Variants in LRP1B observed in about 807,000 individuals in gnomAD.
LRP1B encodes LDL receptor related protein 1B, also known as low-density lipoprotein receptor-related protein 1B.
A neutral mutation model predicts 556.6 loss-of-function variants in LRP1B; 217 were observed. The ratio of observed to expected loss-of-function variants is 0.39; its 90% CI spans 0.35 to 0.44. The LOEUF (loss-of-function observed/expected upper bound fraction) is 0.44, where lower values mean the gene tolerates loss of function less well. LRP1B is among the 20% of genes least tolerant of loss of function. The pLI is 1.00. For missense variants in LRP1B, 5,053 were observed against 5,620.8 expected, an observed-to-expected ratio of 0.90 and a Z score of 3.23; for synonymous variants, 2,047 against 1,865.8, an observed-to-expected ratio of 1.10 and a Z score of -2.50.
intron 3 of LRP1B, among the ~76,000 whole-genome samples, chr2:141,361,717 C>T (rs984770128): frequency 6.6e-6 from 1 of 152,126 alleles, no homozygotes; most frequent in Non-Finnish European, 1.5e-5. Context: ...TTTTAATACC[C>T]TGCAATGTAA....
intron 32 of LRP1B, among the ~76,000 whole-genome samples, chr2:140,791,779 A>C (rs1442206789): frequency 6.6e-6 from 1 of 152,112 alleles, no homozygotes; most frequent in Non-Finnish European, 1.5e-5. Flanking sequence ...CAGACCTTCC[A>C]GGTCTCTCTC....
chr2:141,083,133 C>CA (rs1162600047), intron 7 of LRP1B, among the ~76,000 whole-genome samples: 1 of 152,052 alleles, frequency 6.6e-6, no homozygotes, highest in Non-Finnish European at 1.5e-5. Context: ...ATTTGAATAG[C>CA]AAAAACCATT....
At chr2:140,307,940 A>G (rs1315446384) in intron 83 of LRP1B, among the ~76,000 whole-genome samples, 1 of 151,884 alleles carries the variant, frequency 6.6e-6, no homozygotes, top group African/African-American at 2.4e-5. Context: ...ATTCTTATTT[A>G]TAGAGCATTC....
At position 141,319,657 on chromosome 2, in the gene LRP1B, A is replaced by G. The variant is rs143149235; in HGVS notation, c.344-65016T>C. Among the ~76,000 whole-genome samples, 316 of 152,220 alleles carry G rather than the reference A, an allele frequency of 2.1e-3. 1 individual carries two copies. The highest frequency in any genetic ancestry group is 7.2e-3 in the African/African-American group (299 of 41,562). On this transcript the variant is annotated intron_variant, in intron 3 of 90. Transcript: ENST00000389484. ...GTAACCAACATTGACTTTGGGGATT[A>G]GCCAAATTGTAGCATGCATATTCAG...
intron 1 of LRP1B, among the ~76,000 whole-genome samples, chr2:141,995,991 C>T (rs905566488): frequency 2.6e-5 from 4 of 152,084 alleles, no homozygotes; most frequent in South Asian, 2.1e-4. Context: ...CGGTGGCTCA[C>T]GCCTGTAATC....
chr2:140,393,797 G>A (rs1298818803), intron 66 of LRP1B, among the ~76,000 whole-genome samples: 1 of 152,142 alleles, frequency 6.6e-6, no homozygotes, highest in Admixed American at 6.5e-5. Context: ...CAAGGATGGA[G>A]TTAGAACTGG....
intron 23 of LRP1B, among the ~76,000 whole-genome samples, chr2:140,888,256 T>C (rs1407262285): frequency 6.6e-6 from 1 of 152,144 alleles, no homozygotes; most frequent in African/African-American, 2.4e-5. Flanking sequence ...CTGTTTCTTT[T>C]CTGTGCATTT....
intron 35 of LRP1B, among the ~76,000 whole-genome samples, chr2:140,738,216 G>T (rs531030600): frequency 6.6e-5 from 10 of 152,190 alleles, no homozygotes; most frequent in Admixed American, 2.0e-4. Flanking sequence ...CACCATACTT[G>T]CATGGATGAT....
intron 7 of LRP1B, among the ~76,000 whole-genome samples, chr2:141,141,668 T>A (rs1197088011): frequency 6.6e-6 from 1 of 152,128 alleles, no homozygotes; most frequent in South Asian, 2.1e-4. Context: ...ATTTAGCTAA[T>A]TAGGAAGTAA....
chr2:140,737,345 T>C (rs984352210), intron 35 of LRP1B, among the ~76,000 whole-genome samples: 6 of 152,164 alleles, frequency 3.9e-5, no homozygotes, highest in Non-Finnish European at 8.8e-5. Flanking sequence ...GGACACAGTG[T>C]CTGAATAAAC....
intron 7 of LRP1B, among the ~76,000 whole-genome samples, chr2:141,097,008 G>A (rs909876071): frequency 1.3e-4 from 20 of 152,122 alleles, no homozygotes; most frequent in Admixed American, 5.9e-4. Flanking sequence ...CTTGCTAGTC[G>A]CTTTTTGAGG....
At chr2:140,811,933 A>C (rs1690941851) in intron 32 of LRP1B, among the ~76,000 whole-genome samples, 1 of 152,112 alleles carries the variant, frequency 6.6e-6, no homozygotes, top group South Asian at 2.1e-4. Flanking sequence ...CCAAAGACTC[A>C]AAAGAAAATT....
In LRP1B at chr2:140,477,624, A is replaced by C. The variant is rs111304727; in HGVS notation, c.9426-2287T>G. The stretch of plus-strand genomic sequence containing the variant: ...AATAATGTTTCTTAAGTAAACTACA[A>C]ATTTCAAGTGGTCTAACTTCCATAT... On this transcript the variant is annotated intron_variant, in intron 59 of 90. Coordinates refer to ENST00000389484, the MANE Select transcript of LRP1B (RefSeq NM_018557.3). 5.1e-3 allele frequency among the ~76,000 whole-genome samples: 776 copies of C among 152,284 alleles called. 10 individuals carry two copies. The highest frequency in any genetic ancestry group is 0.016 in the African/African-American group (665 of 41,562).
At chr2:140,570,740 C>T (rs146897872) in intron 43 of LRP1B, among the ~76,000 whole-genome samples, 4,079 of 151,772 alleles carry the variant, frequency 0.027, 95 homozygotes, top group Non-Finnish European at 0.037. Flanking sequence ...GACCCATATC[C>T]ATGATGAATA....
rs1206001052 is a variant in LRP1B, at chr2:141,638,510, G to A, written c.206-157977C>T. On this transcript the variant is annotated intron_variant, in intron 2 of 90. Transcript: ENST00000389484. ...TCTGTCTAGGAGCAGTGAGGGGCAA[G>A]CCATTGTCAGTCGAGGCCACAAAAG... is the stretch of plus-strand genomic sequence containing the variant. Among the ~76,000 whole-genome samples, 3 of 135,070 alleles carry A rather than the reference G, an allele frequency of 2.2e-5. 1 individual carries two copies. The highest frequency in any genetic ancestry group is 5.0e-5 in the Non-Finnish European group (3 of 59,872). 88.6% of individuals were successfully genotyped at this position (135,070 alleles called of 152,430 possible). A position where few individuals can be genotyped will look rare whatever the true frequency, so the allele number is the denominator to read the frequency against.
chr2:140,341,055 A>G (rs1370777279), intron 77 of LRP1B, among the ~76,000 whole-genome samples: 1 of 151,610 alleles, frequency 6.6e-6, no homozygotes, highest in Non-Finnish European at 1.5e-5. Context: ...ATCATTAGGT[A>G]AGTTCCTTGT....
At chr2:141,550,682 T>A (rs747668851) in intron 2 of LRP1B, among the ~76,000 whole-genome samples, 33 of 152,144 alleles carry the variant, frequency 2.2e-4, no homozygotes, top group Non-Finnish European at 4.4e-4. Flanking sequence ...TTTTCTAGAT[T>A]GCTTTCTAAT....
intron 2 of LRP1B, among the ~76,000 whole-genome samples, chr2:141,541,769 CATAA>C (rs1226027801): frequency 2.0e-5 from 3 of 151,934 alleles, no homozygotes; most frequent in Non-Finnish European, 4.4e-5. Flanking sequence ...TAATAGAATA[CATAA>C]ATAGATACTT....
At chr2:141,852,044 C>T (rs974061747) in intron 1 of LRP1B, among the ~76,000 whole-genome samples, 8 of 151,666 alleles carry the variant, frequency 5.3e-5, no homozygotes, top group African/African-American at 1.9e-4. Flanking sequence ...GGGATGTCCC[C>T]CAAATCCTAA....
Sources: gnomAD v4.1 joint callset for allele counts (sites outside exome capture counted in the v4.1 genomes callset) on GRCh38, gnomAD v4.1.1 for gene constraint, MANE v1.5 for transcripts, NCBI Gene and HGNC (gene_info 2026-07-23, HGNC 2026-07-21) for gene names.